Variants in CACNA1C observed in about 807,000 individuals in gnomAD.
CACNA1C encodes calcium voltage-gated channel subunit alpha1 C, also known as voltage-dependent L-type calcium channel subunit alpha-1C.
A neutral mutation model predicts 229.0 loss-of-function variants in CACNA1C; 30 were observed. The ratio of observed to expected loss-of-function variants is 0.13; its 90% confidence interval spans 0.10 to 0.18. CACNA1C has a LOEUF of 0.18. Among genes scored for constraint, CACNA1C ranks in the 10% least tolerant of loss-of-function variants. The pLI is 1.00. For missense variants in CACNA1C, 1,658 were observed against 2,845.0 expected (o/e 0.58, Z 9.49); for synonymous variants, 1,114 against 1,132.5 (o/e 0.98, Z 0.33).
intron 11 of CACNA1C, among the ~76,000 whole-genome samples, chr12:2,558,410 T>C (rs2045683780): frequency 6.6e-6 from 1 of 152,154 alleles, no homozygotes; most frequent in African/African-American, 2.4e-5. Context: ...GGCCTTGAAA[T>C]CTCCACCTCT....
intron 3 of CACNA1C, among the ~76,000 whole-genome samples, chr12:2,278,159 T>G (rs1243458548): frequency 6.6e-6 from 1 of 152,260 alleles, no homozygotes; most frequent in African/African-American, 2.4e-5. Context: ...AGCTTTCATA[T>G]CTGCCATTTA....
chr12:2,417,152 A>G (rs991880224), intron 3 of CACNA1C, among the ~76,000 whole-genome samples: 7 of 152,186 alleles, frequency 4.6e-5, no homozygotes, highest in African/African-American at 1.7e-4. Flanking sequence ...GACCTAGCTC[A>G]TGTCATGCTG....
At chr12:2,088,869 G>A (rs111264546) in intron 1 of CACNA1C, among the ~76,000 whole-genome samples, 6,102 of 152,216 alleles carry the variant, frequency 0.04, 201 homozygotes, top group African/African-American at 0.095. Context: ...TCACTGCAGC[G>A]TGGAGGGAAT....
chr12:2,535,704 T>TAAAAAAAAAAAAAAAAA (rs758857733), intron 9 of CACNA1C, among the ~76,000 whole-genome samples: 14 of 36,562 alleles, frequency 3.8e-4, no homozygotes, highest in African/African-American at 1.1e-3. Flanking sequence ...AGACCCTGTC[T>TAAAAAAAAAAAAAAAAA]AAAAAAAAAA....
Position 2,352,950 on chromosome 12 carries a change from A to G in CACNA1C, c.478-96026A>G, listed in dbSNP as rs1430303434. 1.3e-5 allele frequency among the ~76,000 whole-genome samples: 2 copies of G among 152,254 alleles called. 1 individual carries two copies. Reference sequence around the variant, plus strand: ...TGCAAGACAAATGCAGTTTCAACTTATGAAGCATACACACAAGGGACTGAT... The same window carrying G: ...TGCAAGACAAATGCAGTTTCAACTTGTGAAGCATACACACAAGGGACTGAT... On this transcript the variant is annotated intron_variant, in intron 3 of 46. Transcript: ENST00000399655.
chr12:2,523,166 T>C (rs2099813178), intron 9 of CACNA1C, among the ~76,000 whole-genome samples: 1 of 150,364 alleles, frequency 6.7e-6, no homozygotes. Flanking sequence ...GTGGTGCTGG[T>C]AGTAGGGCAT....
chr12:2,458,228 A>G (rs2099456592), intron 5 of CACNA1C, among the ~76,000 whole-genome samples: 1 of 152,188 alleles, frequency 6.6e-6, no homozygotes, highest in South Asian at 2.1e-4. Flanking sequence ...TACTGGAAAT[A>G]CCACGCCTGT....
At chr12:2,143,432 C>G (rs1180456308) in intron 3 of CACNA1C, among the ~76,000 whole-genome samples, 1 of 151,110 alleles carries the variant, frequency 6.6e-6, no homozygotes, top group East Asian at 1.9e-4. Flanking sequence ...GGTAAGTGCC[C>G]TATACAGGTG....
intron 3 of CACNA1C, among the ~76,000 whole-genome samples, chr12:2,342,815 G>T (rs1402801044): frequency 6.6e-6 from 1 of 152,114 alleles, no homozygotes; most frequent in Admixed American, 6.5e-5. Flanking sequence ...TTGTCTTTGT[G>T]AGCCCTTGTG....
At chr12:2,685,908 T>C (rs1029683190) in intron 44 of CACNA1C, 66 bp downstream of exon 44, 2 of 1,210,818 alleles carry the variant, frequency 1.7e-6, no homozygotes, top group Non-Finnish European at 1.2e-6. Context: ...TGGTCAGGGA[T>C]GATTGGGAAA....
chr12:2,457,310 A>G (rs1470727669), intron 4 of CACNA1C, among the ~76,000 whole-genome samples: 1 of 152,174 alleles, frequency 6.6e-6, no homozygotes, highest in Non-Finnish European at 1.5e-5. Context: ...TCCTGCCTTT[A>G]TGACGGCAGA....
At chr12:2,537,498 A>G (rs956123467) in intron 9 of CACNA1C, among the ~76,000 whole-genome samples, 2 of 152,168 alleles carry the variant, frequency 1.3e-5, no homozygotes, top group Non-Finnish European at 2.9e-5. Flanking sequence ...TGATGTTGCT[A>G]TTGCACACTC....
chr12:2,426,247 G>A (rs533675754), intron 3 of CACNA1C, among the ~76,000 whole-genome samples: 3 of 152,252 alleles, frequency 2.0e-5, no homozygotes, highest in South Asian at 2.1e-4. Flanking sequence ...TGCCTTTGCC[G>A]TGAAGGACTG....
At chr12:2,404,144 G>A (rs2098709510) in intron 3 of CACNA1C, among the ~76,000 whole-genome samples, 1 of 152,138 alleles carries the variant, frequency 6.6e-6, no homozygotes, top group African/African-American at 2.4e-5. Context: ...GAGAATCACC[G>A]CTAGTCCACT....
intron 1 of CACNA1C, among the ~76,000 whole-genome samples, chr12:2,110,197 C>T (rs2081109930): frequency 6.6e-6 from 1 of 152,256 alleles, no homozygotes; most frequent in South Asian, 2.1e-4. Flanking sequence ...TGACACGAGG[C>T]TGGCCAGACC....
At position 2,679,870 on chromosome 12, in the gene CACNA1C, G is replaced by A; in HGVS notation, c.5444+74G>A. Reference sequence around the variant, plus strand: ...GCAACCCTCAGGAGACAGTGGAGGAGACGGAGGCCTCGGCCAGCCACTTGT... The same window carrying A: ...GCAACCCTCAGGAGACAGTGGAGGAAACGGAGGCCTCGGCCAGCCACTTGT... On this transcript the variant is annotated intron_variant, in intron 42 of 46. Transcript: ENST00000399655. The surrounding 1 kb of genome is among the most constrained non-coding windows in gnomAD (Gnocchi z 5.5). 1 of 1,119,934 alleles carries A rather than the reference G, an allele frequency of 8.9e-7. No homozygotes were observed. Among genetic ancestry groups the A allele is most frequent in the Non-Finnish European group, 1.3e-6 (1 of 791,226 alleles). 69.4% of individuals were successfully genotyped at this position (1,119,934 alleles called of 1,614,324 possible).
chr12:2,217,213 A>G lies in CACNA1C; in HGVS notation c.477+96783A>G, dbSNP rs183106754. ...TGAGGTACCCAGAATAGACAAATTT[A>G]TAGAGACAGAAGTAGAATGGTGGTT... On this transcript the variant is annotated intron_variant, in intron 3 of 46. Transcript: ENST00000399655. Among the ~76,000 whole-genome samples, 19 of 152,344 alleles carry G rather than the reference A, an allele frequency of 1.2e-4. 1 individual carries two copies. In the Middle Eastern group the frequency reaches 0.01, roughly 82 times the overall value.
rs2072920333 is a variant in CACNA1C, at chr12:2,602,415, A to G, written c.2960+455A>G. On this transcript the variant is annotated intron_variant, in intron 22 of 46. Transcript: ENST00000399655. This position sits in a 1 kb window ranked among gnomAD's most constrained non-coding sequence, Gnocchi z 4.4. ...TGTATGTGTGAATGTGTGTATATAT[A>G]TGTCTGTGTAAGTGTGGGGTGTATG... Among the ~76,000 whole-genome samples, 1 of 151,626 alleles carries G rather than the reference A, an allele frequency of 6.6e-6. No homozygotes were observed. Among genetic ancestry groups the G allele is most frequent in the Admixed American group, 6.6e-5 (1 of 15,228 alleles).
At chr12:2,035,129 C>T (rs2048885574) in intron 1 of CACNA1C, among the ~76,000 whole-genome samples, 1 of 152,194 alleles carries the variant, frequency 6.6e-6, no homozygotes, top group Non-Finnish European at 1.5e-5. Flanking sequence ...GCGTGGCCTC[C>T]CCTGCGCCGG....
Sources: allele counts gnomAD v4.1 joint callset (sites outside exome capture counted in the v4.1 genomes callset), GRCh38; gene constraint gnomAD v4.1.1; non-coding constraint Gnocchi (gnomAD v3.1); transcripts MANE v1.5; gene names NCBI Gene and HGNC (gene_info 2026-07-23, HGNC 2026-07-21).